The following GALNTL6 variants were observed in gnomAD, a reference collection of about 807,000 sequenced individuals.
The protein encoded by GALNTL6 is polypeptide N-acetylgalactosaminyltransferase-like 6.
GALNTL6 carries 46 observed loss-of-function variants against 73.7 expected under a neutral mutation model. The ratio of observed to expected loss-of-function variants is 0.62; its 90% confidence interval spans 0.49 to 0.80. The LOEUF is 0.80. Ranked by LOEUF, GALNTL6 falls within the 30% of genes least tolerant of loss-of-function variation. GALNTL6 has a pLI of 0.00. For missense variants in GALNTL6, 604 were observed against 755.0 expected, an observed-to-expected ratio of 0.80 and a Z score of 2.34; for synonymous variants, 259 against 263.7, an observed-to-expected ratio of 0.98 and a Z score of 0.17.
chr4:173,009,237 G>A lies in GALNTL6; in HGVS notation c.1431G>A (p.Glu477=), dbSNP rs1243478613. 3 of 1,614,150 alleles carry A rather than the reference G, an allele frequency of 1.9e-6. No homozygotes were observed. In the South Asian group the frequency reaches 3.3e-5, roughly 18 times the overall value. Residue 477 remains glutamate, a synonymous_variant, in exon 11 of 13, where the codon GAG becomes GAA. Coordinates refer to ENST00000506823, the MANE Select transcript of GALNTL6 (RefSeq NM_001034845.3). ...VDSKHGATGT[E]LRLDICVKDG... is the part of the protein sequence containing the mutation. ...GCAAGCATGGAGCCACCGGAACAGAGCTGAGGCTGGACATCTGTGTCAAGG... is the reference window on the plus strand; with the variant it reads ...GCAAGCATGGAGCCACCGGAACAGAACTGAGGCTGGACATCTGTGTCAAGG...
At chr4:172,833,647 T>A (rs764416995) in intron 7 of GALNTL6, among the ~76,000 whole-genome samples, 2 of 152,174 alleles carry the variant, frequency 1.3e-5, no homozygotes, top group Non-Finnish European at 2.9e-5. Context: ...AGGTTATCAT[T>A]CTCTCCTGAA....
At chr4:172,913,463 G>A (rs539033149) in intron 8 of GALNTL6, among the ~76,000 whole-genome samples, 2 of 152,218 alleles carry the variant, frequency 1.3e-5, no homozygotes, top group Non-Finnish European at 2.9e-5. Flanking sequence ...GAGGATGTTC[G>A]AGCCCATTGC....
chr4:172,682,621 A>G (rs1732689912), intron 5 of GALNTL6, among the ~76,000 whole-genome samples: 1 of 152,172 alleles, frequency 6.6e-6, no homozygotes, highest in Admixed American at 6.6e-5. Flanking sequence ...AATATTTGCT[A>G]AATTTGGCCA....
At chr4:173,025,412 G>T (rs1753191916) in intron 12 of GALNTL6, among the ~76,000 whole-genome samples, 1 of 152,088 alleles carries the variant, frequency 6.6e-6, no homozygotes, top group African/African-American at 2.4e-5. Context: ...CCCAGTCATT[G>T]GTCACTAAGA....
chr4:172,542,714 G>A (rs1421683776), intron 5 of GALNTL6, among the ~76,000 whole-genome samples: 4 of 152,140 alleles, frequency 2.6e-5, no homozygotes, highest in African/African-American at 7.2e-5. Context: ...CAAGGTGGGG[G>A]TTCTGTTCAG....
intron 2 of GALNTL6, among the ~76,000 whole-genome samples, chr4:172,101,612 CCT>C (rs1350423024): frequency 6.6e-6 from 1 of 151,884 alleles, no homozygotes; most frequent in Non-Finnish European, 1.5e-5. Context: ...ATTTAATTTG[CCT>C]CTTTTTTTGT....
chr4:172,487,450 A>G (rs1359557601), intron 5 of GALNTL6, among the ~76,000 whole-genome samples: 2 of 146,432 alleles, frequency 1.4e-5, no homozygotes, highest in African/African-American at 5.1e-5. Context: ...CAGTGGTGTG[A>G]TCTTGGCTCA....
At chr4:172,804,002 T>C (rs1434156902) in intron 5 of GALNTL6, among the ~76,000 whole-genome samples, 1 of 152,222 alleles carries the variant, frequency 6.6e-6, no homozygotes, top group Non-Finnish European at 1.5e-5. Context: ...TTCTGGAATT[T>C]AACTAGAGAC....
intron 2 of GALNTL6, among the ~76,000 whole-genome samples, chr4:171,822,401 G>C (rs561267356): frequency 6.6e-6 from 1 of 152,232 alleles, no homozygotes; most frequent in African/African-American, 2.4e-5. Context: ...ATGTAACTGT[G>C]GGCATGCTAC....
chr4:172,571,448 A>G (rs1261394584), intron 5 of GALNTL6, among the ~76,000 whole-genome samples: 1 of 152,226 alleles, frequency 6.6e-6, no homozygotes, highest in East Asian at 1.9e-4. Context: ...GTCTAACTCA[A>G]AAGTTTTCAA....
In GALNTL6 at chr4:172,379,600, A is replaced by T. The variant is rs371915675; in HGVS notation, c.553+30911A>T. Among the ~76,000 whole-genome samples the T allele has an allele frequency of 6.6e-4, 100 of 150,934 alleles. 4 individuals are homozygous for T. The South Asian group carries it at 0.02, about 31-fold the overall frequency. ...TTAATCAATGCAATTAGATCACCAA[A>T]AAAAGGTGGGAAAGGAGCTCATAAA... On this transcript the variant is annotated intron_variant, in intron 5 of 12. Coordinates refer to ENST00000506823, the MANE Select transcript of GALNTL6 (RefSeq NM_001034845.3).
At chr4:172,347,071 T>C (rs907852011) in intron 4 of GALNTL6, among the ~76,000 whole-genome samples, 2 of 144,040 alleles carry the variant, frequency 1.4e-5, no homozygotes, top group South Asian at 4.7e-4. Context: ...CTCACTGCAA[T>C]CTCTGCCTCC....
intron 3 of GALNTL6, among the ~76,000 whole-genome samples, chr4:172,261,701 T>C (rs116185038): frequency 0.027 from 4,144 of 151,504 alleles, 171 homozygotes; most frequent in African/African-American, 0.093. Flanking sequence ...ATTGTCTAAT[T>C]ATGCTCTTTC....
intron 5 of GALNTL6, among the ~76,000 whole-genome samples, chr4:172,608,259 T>A (rs1204876300): frequency 6.6e-6 from 1 of 152,186 alleles, no homozygotes; most frequent in Admixed American, 6.6e-5. Context: ...CTTTTTATGA[T>A]TTTAGGTTTT....
chr4:172,539,908 A>ATATAT (rs1561128725), intron 5 of GALNTL6, among the ~76,000 whole-genome samples: 15 of 99,694 alleles, frequency 1.5e-4, no homozygotes, highest in East Asian at 7.0e-4. Context: ...TATATATATA[A>ATATAT]AAAATCTCAT....
intron 2 of GALNTL6, among the ~76,000 whole-genome samples, chr4:172,199,350 A>T (rs1264997487): frequency 1.3e-5 from 2 of 152,194 alleles, no homozygotes; most frequent in African/African-American, 4.8e-5. Flanking sequence ...AAATTTTAGC[A>T]GTTATTATTC....
intron 2 of GALNTL6, among the ~76,000 whole-genome samples, chr4:171,934,194 G>C (rs988181000): frequency 1.3e-5 from 2 of 152,146 alleles, no homozygotes; most frequent in East Asian, 3.9e-4. Context: ...ATGAAACTAA[G>C]ATTACAGCAT....
intron 2 of GALNTL6, among the ~76,000 whole-genome samples, chr4:171,949,708 A>G (rs1738811617): frequency 6.6e-6 from 1 of 152,212 alleles, no homozygotes; most frequent in Non-Finnish European, 1.5e-5. Context: ...GAGAAAAAAT[A>G]TAATAATTAA....
intron 2 of GALNTL6, among the ~76,000 whole-genome samples, chr4:172,049,466 T>C (rs1343919137): frequency 6.6e-6 from 1 of 152,178 alleles, no homozygotes; most frequent in Non-Finnish European, 1.5e-5. Flanking sequence ...TCCTTTTATA[T>C]TTATCTCTTT....
Sources: allele counts gnomAD v4.1 joint callset (sites outside exome capture counted in the v4.1 genomes callset), GRCh38; gene constraint gnomAD v4.1.1; transcripts MANE v1.5; gene names NCBI Gene and HGNC (gene_info 2026-07-23, HGNC 2026-07-21).